Variants in PTPRD observed in about 807,000 individuals in gnomAD.
The protein encoded by PTPRD is protein tyrosine phosphatase receptor type D.
In PTPRD, 34 loss-of-function variants were observed where a neutral mutation model predicts 214.5. The observed-to-expected ratio is 0.16, with a 90% CI of 0.12 to 0.21. PTPRD has a LOEUF of 0.21. PTPRD is among the 10% of genes least tolerant of loss of function. PTPRD has a pLI of 1.00. For missense variants in PTPRD, 2,545 were observed against 2,398.7 expected, an observed-to-expected ratio of 1.06 and a Z score of -1.27; for synonymous variants, 1,128 against 845.7, an observed-to-expected ratio of 1.33 and a Z score of -5.79.
At chr9:8,788,349 C>T (rs1001453605) in intron 11 of PTPRD, among the ~76,000 whole-genome samples, 9 of 146,700 alleles carry the variant, frequency 6.1e-5, no homozygotes, top group African/African-American at 2.0e-4. Context: ...AATCTCAGCT[C>T]ACCACAACCT....
intron 12 of PTPRD, among the ~76,000 whole-genome samples, chr9:8,695,291 G>C (rs2097887988): frequency 1.3e-5 from 2 of 152,130 alleles, no homozygotes; most frequent in East Asian, 3.8e-4. Flanking sequence ...CACCAGGATT[G>C]AATCACATGG....
At chr9:10,541,050 C>T (rs898510521) in intron 2 of PTPRD, among the ~76,000 whole-genome samples, 2 of 152,158 alleles carry the variant, frequency 1.3e-5, no homozygotes, top group Non-Finnish European at 2.9e-5. Context: ...CATTGATACG[C>T]ACTACACATT....
intron 2 of PTPRD, among the ~76,000 whole-genome samples, chr9:10,567,321 T>C (rs2065927454): frequency 6.6e-6 from 1 of 152,178 alleles, no homozygotes; most frequent in Admixed American, 6.6e-5. Flanking sequence ...CTATCACATA[T>C]TCATAATAAT....
rs117736578 is a variant in PTPRD at position 8,918,058 on chromosome 9, C to T, written c.-104+100639G>A. On this transcript the variant is annotated intron_variant, in intron 11 of 45. Transcript: ENST00000381196. ...AACAAGCTTTCAATTAAGGGGACAT[C>T]TGTTGGGAATACAGGGGAACCTCTA... 1.1e-3 allele frequency among the ~76,000 whole-genome samples: 169 copies of T among 152,250 alleles called. 3 individuals carry two copies. In the East Asian group the frequency reaches 0.03, roughly 27 times the overall value.
At chr9:9,756,424 T>C (rs950507501) in intron 6 of PTPRD, among the ~76,000 whole-genome samples, 1 of 152,150 alleles carries the variant, frequency 6.6e-6, no homozygotes, top group Non-Finnish European at 1.5e-5. Flanking sequence ...TTTACGTTCA[T>C]TGTATTGGTT....
At chr9:9,653,566 G>A (rs1022381345) in intron 7 of PTPRD, among the ~76,000 whole-genome samples, 1 of 152,026 alleles carries the variant, frequency 6.6e-6, no homozygotes, top group African/African-American at 2.4e-5. Flanking sequence ...CATTGTAAAT[G>A]AACTTTGTAA....
chr9:10,005,416 G>C (rs1406204816), intron 4 of PTPRD, among the ~76,000 whole-genome samples: 3 of 152,110 alleles, frequency 2.0e-5, no homozygotes, highest in Admixed American at 1.3e-4. Context: ...GCTTGGCTAA[G>C]TTGCAGCTCC....
At chr9:10,356,972 C>T (rs1057205854) in intron 2 of PTPRD, among the ~76,000 whole-genome samples, 8 of 152,094 alleles carry the variant, frequency 5.3e-5, no homozygotes, top group South Asian at 2.1e-4. Flanking sequence ...TGAGCCACCA[C>T]GCCCGGCCCA....
intron 12 of PTPRD, among the ~76,000 whole-genome samples, chr9:8,653,533 A>G (rs2096853710): frequency 6.6e-6 from 1 of 152,158 alleles, no homozygotes. Context: ...CTTTCCCTTA[A>G]GAATCCCCAG....
intron 8 of PTPRD, among the ~76,000 whole-genome samples, chr9:9,435,816 CTT>C (rs1194120716): frequency 6.6e-6 from 1 of 152,028 alleles, no homozygotes; most frequent in African/African-American, 2.4e-5. Context: ...AATAAACTAA[CTT>C]ATCATTTAAG....
chr9:8,880,142 G>A (rs2098430955), intron 11 of PTPRD, among the ~76,000 whole-genome samples: 1 of 152,032 alleles, frequency 6.6e-6, no homozygotes, highest in African/African-American at 2.4e-5. Flanking sequence ...AAACAAAGGT[G>A]GCATTTTTTT....
intron 10 of PTPRD, among the ~76,000 whole-genome samples, chr9:9,123,672 C>T (rs939082047): frequency 7.2e-5 from 11 of 152,064 alleles, no homozygotes; most frequent in African/African-American, 1.7e-4. Flanking sequence ...CGAGTGAAAC[C>T]TTGGGTATTT....
intron 2 of PTPRD, among the ~76,000 whole-genome samples, chr9:10,408,092 G>C (rs921455280): frequency 6.6e-5 from 10 of 151,410 alleles, no homozygotes; most frequent in Non-Finnish European, 1.3e-4. Context: ...GAACCCCATG[G>C]CATTTCCCTG....
chr9:10,289,994 T>C (rs996882762), intron 3 of PTPRD, among the ~76,000 whole-genome samples: 1 of 152,128 alleles, frequency 6.6e-6, no homozygotes, highest in African/African-American at 2.4e-5. Flanking sequence ...AAGTTGGCAT[T>C]TTGGTCAATT....
intron 30 of PTPRD, among the ~76,000 whole-genome samples, chr9:8,474,914 G>C (rs2096733476): frequency 6.6e-6 from 1 of 151,792 alleles, no homozygotes; most frequent in Non-Finnish European, 1.5e-5. Context: ...ACTTTCTTAG[G>C]AAGTTTACCA....
chr9:10,246,842 C>T (rs928461170), intron 3 of PTPRD, among the ~76,000 whole-genome samples: 4 of 149,416 alleles, frequency 2.7e-5, no homozygotes, highest in African/African-American at 7.4e-5. Context: ...TGCAGTGAGC[C>T]GAGATCACAC....
chr9:8,490,646 T>C (rs1041357476), intron 27 of PTPRD, among the ~76,000 whole-genome samples: 4 of 152,138 alleles, frequency 2.6e-5, no homozygotes, highest in African/African-American at 9.7e-5. Context: ...TACAGAATAA[T>C]GGGAGGATTA....
chr9:9,569,267 C>T (rs2085583392), intron 8 of PTPRD, among the ~76,000 whole-genome samples: 1 of 148,880 alleles, frequency 6.7e-6, no homozygotes, highest in African/African-American at 2.5e-5. Context: ...ATAATTTCTA[C>T]AGAGCAGAGG....
rs147766779 is a variant in PTPRD, at chr9:9,806,377, C to T, written c.-367-39526G>A. ...ACCATCGTCAAGCCATTATGACATT[C>T]CCCCGCCTTTCTGATAATGTACTTT... On this transcript the variant is annotated intron_variant, in intron 5 of 45. Coordinates refer to ENST00000381196, the MANE Select transcript of PTPRD (RefSeq NM_002839.4). Among the ~76,000 whole-genome samples, 51 of 152,206 alleles carry T rather than the reference C, an allele frequency of 3.4e-4. No individual in the cohort carries two copies. The East Asian group carries it at 7.7e-3, about 23-fold the overall frequency.
Sources: allele counts gnomAD v4.1 joint callset (sites outside exome capture counted in the v4.1 genomes callset), GRCh38; gene constraint gnomAD v4.1.1; transcripts MANE v1.5; gene names NCBI Gene and HGNC (gene_info 2026-07-23, HGNC 2026-07-21).